Variants in RNF14 observed in about 807,000 individuals in gnomAD.
RNF14 encodes the protein E3 ubiquitin-protein ligase RNF14.
In RNF14, 26 loss-of-function variants were observed where a neutral mutation model predicts 52.6. The ratio of observed to expected loss-of-function variants is 0.49; its 90% confidence interval spans 0.36 to 0.69. The LOEUF is 0.69. RNF14 is among the 30% of genes least tolerant of loss of function. RNF14 has a pLI of 0.00. For synonymous variants in RNF14, 194 were observed against 202.0 expected, an observed-to-expected ratio of 0.96 and a Z score of 0.34; for missense variants, 404 against 560.4, an observed-to-expected ratio of 0.72 and a Z score of 2.82.
chr5:141,967,875 G>A (rs1753407949), upstream of RNF14, among the ~76,000 whole-genome samples: 1 of 152,130 alleles, frequency 6.6e-6, no homozygotes, highest in South Asian at 2.1e-4. Flanking sequence ...CTCTTCAAAA[G>A]TATACAATCC....
chr5:141,959,271 A>G (rs1309642419), intron 1 of RNF14, among the ~76,000 whole-genome samples: 1 of 152,020 alleles, frequency 6.6e-6, no homozygotes. Context: ...CGTGAAGCAC[A>G]TCTCCTTTGC....
rs1232439084 is a variant in RNF14, at chr5:141,974,797, G to A, written c.155-7G>A. 1 of 1,613,460 alleles carries A rather than the reference G, an allele frequency of 6.2e-7. No individual in the cohort carries two copies. Among genetic ancestry groups the A allele is most frequent in the African/African-American group, 1.3e-5 (1 of 74,960 alleles). ...CTGATCCTTTCTAATCTTTGTTTTT[G>A]GTTCAGGCAATTCAAATGAGTGTCT... is the stretch of plus-strand genomic sequence containing the variant. On this transcript the variant is annotated splice_polypyrimidine_tract_variant and splice_region_variant and intron_variant, in intron 3 of 8. Coordinates refer to ENST00000394520, the MANE Select transcript of RNF14 (RefSeq NM_004290.5).
upstream of RNF14, chr5:141,955,147 C>T: frequency 6.2e-7 from 1 of 1,614,206 alleles, no homozygotes; most frequent in Non-Finnish European, 8.5e-7. The surrounding 1 kb of genome is among the most constrained non-coding windows in gnomAD (Gnocchi z 5.5). Context: ...GGCTGGTGGC[C>T]TCTGTGGGGC....
In RNF14 at chr5:141,976,737, C is replaced by T. The variant is rs1380080416; in HGVS notation, c.307-1566C>T. On this transcript the variant is annotated intron_variant, in intron 4 of 8. Coordinates refer to ENST00000394520, the MANE Select transcript of RNF14 (RefSeq NM_004290.5). ...ATACTTACACAGTCTCTTTCCCGTC[C>T]CCCTTCCATTTACATGCATTCCAGC... is the stretch of plus-strand genomic sequence containing the variant. Among the ~76,000 whole-genome samples the T allele has an allele frequency of 2.7e-5, 4 of 150,932 alleles. No homozygotes were observed. The East Asian group carries it at 7.8e-4, about 29-fold the overall frequency.
At chr5:141,955,276 G>A (rs767622193), upstream of RNF14, 2 of 1,614,108 alleles carry the variant, frequency 1.2e-6, no homozygotes, top group African/African-American at 2.7e-5. This position sits in a 1 kb window ranked among gnomAD's most constrained non-coding sequence, Gnocchi z 5.5. Context: ...GTTCTCCCGG[G>A]AGGCATTCCT....
At chr5:141,960,287 G>A (rs891411785) in intron 1 of RNF14, among the ~76,000 whole-genome samples, 3 of 152,334 alleles carry the variant, frequency 2.0e-5, no homozygotes, top group East Asian at 1.9e-4. Flanking sequence ...AATGAAAGGC[G>A]AGAGGCCAGT....
At chr5:141,965,760 A>G (rs114338535), upstream of RNF14, among the ~76,000 whole-genome samples, 1,203 of 152,274 alleles carry the variant, frequency 7.9e-3, 16 homozygotes, top group African/African-American at 0.028. Flanking sequence ...CTAAATGATG[A>G]GAACACATGG....
At chr5:141,965,428 CAG>C (rs893231055), upstream of RNF14, among the ~76,000 whole-genome samples, 7 of 152,316 alleles carry the variant, frequency 4.6e-5, no homozygotes, top group Non-Finnish European at 8.8e-5. Flanking sequence ...TCCCTGGGGA[CAG>C]GGGGTGGGAG....
chr5:141,955,518 C>G, upstream of RNF14: 1 of 1,614,214 alleles, frequency 6.2e-7, no homozygotes, highest in African/African-American at 1.3e-5. The surrounding 1 kb of genome is among the most constrained non-coding windows in gnomAD (Gnocchi z 5.5). Flanking sequence ...TGAGCACAGG[C>G]ACGAGGTGGA....
At chr5:141,949,545 G>A in the RNF14 span, 10 of 1,614,036 alleles carry the variant, frequency 6.2e-6, no homozygotes, top group Admixed American at 8.3e-5. Flanking sequence ...CTGGCCTCCA[G>A]CCCTTGCACT....
upstream of RNF14, chr5:141,955,548 T>C (rs527741275): frequency 6.2e-7 from 1 of 1,614,144 alleles, no homozygotes; most frequent in Admixed American, 1.7e-5. This position sits in a 1 kb window ranked among gnomAD's most constrained non-coding sequence, Gnocchi z 5.5. Flanking sequence ...TCTGAATGTG[T>C]TTCTGGGGCC....
chr5:141,974,738 G>C (rs759923756), intron 3 of RNF14, 66 bp from the exon 4 acceptor site: 71 of 1,495,286 alleles, frequency 4.7e-5, no homozygotes, highest in Non-Finnish European at 6.4e-5. Flanking sequence ...CTTGAGCGCT[G>C]CTCAACAGTA....
intron 2 of RNF14, among the ~76,000 whole-genome samples, chr5:141,972,506 T>C (rs539779664): frequency 1.3e-5 from 2 of 152,296 alleles, no homozygotes; most frequent in South Asian, 4.1e-4. Context: ...AACACAGCTC[T>C]CCAACAACAA....
At chr5:141,961,697 T>C (rs559761970) in intron 1 of RNF14, among the ~76,000 whole-genome samples, 1 of 152,242 alleles carries the variant, frequency 6.6e-6, no homozygotes, top group South Asian at 2.1e-4. Flanking sequence ...TTGGGGTTGT[T>C]CACACTTGGG....
chr5:141,978,395 G>T lies in RNF14; in HGVS notation c.399G>T (p.Glu133Asp). The T allele has an allele frequency of 6.2e-7, 1 of 1,614,174 alleles. No homozygotes were observed. Among genetic ancestry groups the T allele is most frequent in the South Asian group, 1.1e-5 (1 of 91,074 alleles). Residue 133 changes from glutamate (E) to aspartate (D), a missense_variant, in exon 5 of 9, where the codon GAG becomes GAT. Physicochemically the swap from Glu to Asp is conservative, Grantham distance 45 (BLOSUM62 2). Coordinates refer to ENST00000394520, the MANE Select transcript of RNF14 (RefSeq NM_004290.5). ...CCTGGATGCAATTTCTTAAGGAAGA[G>T]ACCCTAGCATACTTGAATATTGTCT... is the stretch of plus-strand genomic sequence containing the variant. ...LFAWMQFLKE[E>D]TLAYLNIVSP...
At chr5:141,962,187 CA>C (rs1372602041), upstream of RNF14, among the ~76,000 whole-genome samples, 1 of 152,196 alleles carries the variant, frequency 6.6e-6, no homozygotes, top group Non-Finnish European at 1.5e-5. Flanking sequence ...TTTGTTGAGA[CA>C]GATGACAGGT....
At chr5:141,970,287 A>G (rs1753629833) in intron 1 of RNF14, among the ~76,000 whole-genome samples, 1 of 152,208 alleles carries the variant, frequency 6.6e-6, no homozygotes, top group Non-Finnish European at 1.5e-5. Context: ...ATTAACCTTG[A>G]GTGCCACTGG....
intron 4 of RNF14, among the ~76,000 whole-genome samples, chr5:141,977,956 A>G (rs1754408954): frequency 6.6e-6 from 1 of 152,238 alleles, no homozygotes; most frequent in Non-Finnish European, 1.5e-5. Flanking sequence ...CATGAGGTAT[A>G]TGGCAGTACT....
chr5:141,983,408 C>A lies in RNF14; in HGVS notation c.1092C>A (p.Tyr364Ter). 6.2e-7 allele frequency: 1 copy of A among 1,612,982 alleles called. No homozygotes were observed. Among genetic ancestry groups the A allele is most frequent in the South Asian group, 1.1e-5 (1 of 90,902 alleles). Reference sequence around the variant, plus strand: ...AATTAATGGACTTACGAAATGAATACCTGCAAGCGGATGAGGCTAATAAAA... The same window carrying A: ...AATTAATGGACTTACGAAATGAATAACTGCAAGCGGATGAGGCTAATAAAA... The part of the protein sequence containing the change: ...AEKLMDLRNE[Y>*]LQADEANKRL... The change falls in exon 7 of 9, where the codon TAC becomes TAA. Residue 364 changes from tyrosine to a stop codon, truncating the protein, a stop_gained. Transcript: ENST00000394520. LOFTEE classifies it high-confidence loss of function.
Sources: allele counts gnomAD v4.1 joint callset (sites outside exome capture counted in the v4.1 genomes callset), GRCh38; gene constraint gnomAD v4.1.1; non-coding constraint Gnocchi (gnomAD v3.1); transcripts MANE v1.5; gene names NCBI Gene and HGNC (gene_info 2026-07-23, HGNC 2026-07-21).